Variants in DMXL2 observed in about 807,000 individuals in gnomAD.
The protein encoded by DMXL2 is Dmx like 2.
In DMXL2, 103 loss-of-function variants were observed where a neutral mutation model predicts 331.1. The observed-to-expected ratio is 0.31, with a 90% CI of 0.27 to 0.37. The LOEUF (loss-of-function observed/expected upper bound fraction) is 0.37. Among genes scored for constraint, DMXL2 ranks in the 10% least tolerant of loss-of-function variants. The pLI, the probability that DMXL2 is intolerant of heterozygous loss-of-function variation, is 1.00. For synonymous variants in DMXL2, 1,281 were observed against 1,252.1 expected (o/e 1.02, Z -0.49); for missense variants, 3,171 against 3,642.9 (o/e 0.87, Z 3.33).
intron 1 of DMXL2, among the ~76,000 whole-genome samples, chr15:51,606,440 G>C (rs9944266): frequency 0.82 from 124,018 of 152,140 alleles, 50,909 homozygotes; most frequent in East Asian, 0.99. Flanking sequence ...GGTTATCCAC[G>C]CACCACAGCC....
intron 13 of DMXL2, among the ~76,000 whole-genome samples, chr15:51,519,636 GTTTTT>G (rs61062444): frequency 1.2e-5 from 1 of 84,900 alleles, no homozygotes; most frequent in Non-Finnish European, 2.4e-5. Flanking sequence ...AAAGTCTCTT[GTTTTT>G]TTTTTTTTTT....
chr15:51,507,301 GT>G (rs2046462695), intron 15 of DMXL2, 48 bp from the exon 16 acceptor site: 1 of 1,530,086 alleles, frequency 6.5e-7, no homozygotes, highest in African/African-American at 1.4e-5. Flanking sequence ...TTTTTATGGG[GT>G]TAAAAAAACA....
intron 1 of DMXL2, among the ~76,000 whole-genome samples, chr15:51,598,105 CTAATTT>C (rs2052957916): frequency 6.6e-6 from 1 of 152,128 alleles, no homozygotes; most frequent in Non-Finnish European, 1.5e-5. Context: ...GAGGAAGTTC[CTAATTT>C]TAAAGTAGTC....
chr15:51,471,318 C>T lies in DMXL2; in HGVS notation c.7297G>A (p.Asp2433Asn). Residue 2433 changes from aspartate to asparagine, a missense_variant, in exon 29 of 44, where the codon GAT becomes AAT. By Grantham distance (23) the Asp-to-Asn change is conservative. Transcript: ENST00000560891. ...GCAGGCACCGGTGGTGGGGTAGCAT[C>T]TTTTACAGGCCTTCCAGGGACGAGC... ...RMLVPGRPVK[D>N]ATPPPVPAER... The T allele has an allele frequency of 6.2e-7, 1 of 1,613,980 alleles. No homozygotes were observed. The highest frequency in any genetic ancestry group is 8.5e-7 in the Non-Finnish European group (1 of 1,179,952).
intron 21 of DMXL2, 71 bp from the exon 22 acceptor site, chr15:51,488,190 A>G: frequency 1.5e-6 from 2 of 1,344,780 alleles, no homozygotes; most frequent in South Asian, 3.4e-5. Flanking sequence ...ATAATAATAT[A>G]AAATAAAAAC....
intron 2 of DMXL2, among the ~76,000 whole-genome samples, chr15:51,572,138 C>G (rs551437701): frequency 3.0e-4 from 46 of 152,028 alleles, no homozygotes; most frequent in Admixed American, 5.9e-4. Context: ...AAACTACCAT[C>G]AGAGAATACA....
chr15:51,451,537 C>G, intron 42 of DMXL2, 108 bp downstream of exon 42: 3 of 831,294 alleles, frequency 3.6e-6, no homozygotes, highest in Non-Finnish European at 3.7e-6. Flanking sequence ...CATTTTCAAC[C>G]TGTCAATAAA....
At chr15:51,591,890 G>T (rs1271425307) in intron 1 of DMXL2, among the ~76,000 whole-genome samples, 1 of 152,144 alleles carries the variant, frequency 6.6e-6, no homozygotes, top group African/African-American at 2.4e-5. Context: ...AAACAGAAAG[G>T]ACATCCACAC....
intron 6 of DMXL2, among the ~76,000 whole-genome samples, chr15:51,562,665 C>T (rs971151303): frequency 6.6e-6 from 1 of 152,024 alleles, no homozygotes; most frequent in Non-Finnish European, 1.5e-5. Flanking sequence ...AAAAAGCAAA[C>T]CATAAAACAA....
At chr15:51,501,625 A>C (rs1020078046) in intron 17 of DMXL2, among the ~76,000 whole-genome samples, 15 of 152,224 alleles carry the variant, frequency 9.9e-5, no homozygotes, top group African/African-American at 3.6e-4. Flanking sequence ...CTCACATTAA[A>C]ATATTTTCAC....
intron 8 of DMXL2, 83 bp from the exon 9 acceptor site, chr15:51,542,590 T>A (rs778587892): frequency 4.8e-5 from 50 of 1,049,002 alleles, no homozygotes; most frequent in Non-Finnish European, 6.6e-5. Flanking sequence ...ATTAAGAGGT[T>A]TAAGATTTTT....
At chr15:51,462,503 T>A in intron 33 of DMXL2, among the ~76,000 whole-genome samples, 1 of 152,060 alleles carries the variant, frequency 6.6e-6, no homozygotes, top group Non-Finnish European at 1.5e-5. Context: ...GCCCGGCTAA[T>A]CTTTTGTATT....
chr15:51,553,019 C>T (rs567273085), intron 6 of DMXL2, among the ~76,000 whole-genome samples: 1 of 152,298 alleles, frequency 6.6e-6, no homozygotes, highest in African/African-American at 2.4e-5. Context: ...TTGTCTCCTT[C>T]GTAGTATTCA....
chr15:51,466,104 T>C (rs2040545559), intron 30 of DMXL2, 80 bp downstream of exon 30: 1 of 1,133,192 alleles, frequency 8.8e-7, no homozygotes, highest in Non-Finnish European at 1.2e-6. Context: ...ATAATAATGT[T>C]ATTTAAAATT....
Position 51,458,289 on chromosome 15 carries a change from T to C in DMXL2, c.8198+217A>G, listed in dbSNP as rs543093735. Among the ~76,000 whole-genome samples the C allele has an allele frequency of 4.6e-5, 7 of 152,376 alleles. No individual in the cohort carries two copies. In the South Asian group the frequency reaches 1.0e-3, roughly 23 times the overall value. Reference sequence around the variant, plus strand: ...AGCCAAGTGTTAGGGATTATCCTTATTGAAATATTATCAATAGTGTAGGGT... The same window carrying C: ...AGCCAAGTGTTAGGGATTATCCTTACTGAAATATTATCAATAGTGTAGGGT... On this transcript the variant is annotated intron_variant, in intron 36 of 43. Coordinates refer to ENST00000560891, the MANE Select transcript of DMXL2 (RefSeq NM_001378457.1).
chr15:51,535,839 T>C (rs1177557355), intron 12 of DMXL2, 55 bp from the exon 13 acceptor site: 4 of 1,541,430 alleles, frequency 2.6e-6, no homozygotes, highest in Non-Finnish European at 3.5e-6. Flanking sequence ...ATTTTTCTTA[T>C]TGGCTAAAGG....
intron 14 of DMXL2, among the ~76,000 whole-genome samples, chr15:51,515,434 TATA>T (rs895179122): frequency 4.1e-4 from 63 of 152,278 alleles, no homozygotes; most frequent in African/African-American, 1.2e-3. Context: ...ATAAAAGGAT[TATA>T]ATATTAGGTT....
At chr15:51,590,654 A>T (rs1304982849) in intron 1 of DMXL2, among the ~76,000 whole-genome samples, 2 of 152,086 alleles carry the variant, frequency 1.3e-5, no homozygotes, top group East Asian at 3.8e-4. Context: ...CAGCCTCCCA[A>T]GTAGCTGAAA....
intron 42 of DMXL2, 86 bp from the exon 43 acceptor site, chr15:51,450,432 C>A: frequency 1.6e-6 from 2 of 1,231,142 alleles, no homozygotes; most frequent in Non-Finnish European, 1.2e-6. Flanking sequence ...TAAATACAGA[C>A]CTTACTGATG....
Sources: gnomAD v4.1 joint callset for allele counts (sites outside exome capture counted in the v4.1 genomes callset) on GRCh38, gnomAD v4.1.1 for gene constraint, MANE v1.5 for transcripts, NCBI Gene and HGNC (gene_info 2026-07-23, HGNC 2026-07-21) for gene names.